Variants in TAFA2 observed in about 807,000 individuals in gnomAD.
The protein encoded by TAFA2 is TAFA chemokine like family member 2, also known as chemokine-like protein TAFA-2.
A neutral mutation model predicts 18.8 loss-of-function variants in TAFA2; 7 were observed. The ratio of observed to expected loss-of-function variants is 0.37; its 90% CI spans 0.21 to 0.70. TAFA2 has a LOEUF of 0.70. TAFA2 is among the 30% of genes least tolerant of loss of function. TAFA2 has a pLI of 0.53. For missense variants in TAFA2, 122 were observed against 158.1 expected (o/e 0.77, Z 1.23); for synonymous variants, 60 against 54.2 (o/e 1.11, Z -0.47).
intron 1 of TAFA2, among the ~76,000 whole-genome samples, chr12:61,873,733 C>G (rs949384140): frequency 6.6e-6 from 1 of 152,130 alleles, no homozygotes; most frequent in African/African-American, 2.4e-5. Flanking sequence ...AGTTTGACTA[C>G]ACTGTTGCTT....
intron 2 of TAFA2, among the ~76,000 whole-genome samples, chr12:61,833,077 AAT>A (rs920370348): frequency 1.4e-5 from 2 of 147,112 alleles, no homozygotes; most frequent in Non-Finnish European, 3.0e-5. Flanking sequence ...TACATATATA[AAT>A]ATATATATAT....
intron 1 of TAFA2, among the ~76,000 whole-genome samples, chr12:61,917,743 G>C (rs1246963266): frequency 6.6e-6 from 1 of 152,162 alleles, no homozygotes; most frequent in Non-Finnish European, 1.5e-5. Context: ...CCTGGGTAAA[G>C]GTCTACCAAA....
intron 4 of TAFA2, among the ~76,000 whole-genome samples, chr12:61,732,397 G>A (rs777354584): frequency 5.9e-5 from 9 of 152,068 alleles, no homozygotes; most frequent in Non-Finnish European, 1.0e-4. Context: ...GTGCTACCAC[G>A]TTATTTACTA....
chr12:62,242,842 T>G (rs2062868741), intron 1 of TAFA2, among the ~76,000 whole-genome samples: 1 of 152,204 alleles, frequency 6.6e-6, no homozygotes, highest in Non-Finnish European at 1.5e-5. Context: ...GAAGTAAAAT[T>G]AACATAGATG....
intron 4 of TAFA2, among the ~76,000 whole-genome samples, chr12:61,746,788 T>C (rs1868730057): frequency 6.6e-6 from 1 of 152,116 alleles, no homozygotes; most frequent in African/African-American, 2.4e-5. Context: ...CTGACCAGAA[T>C]TCAGAATAGA....
chr12:62,152,789 A>G (rs1326710613), intron 1 of TAFA2, among the ~76,000 whole-genome samples: 11 of 152,338 alleles, frequency 7.2e-5, no homozygotes. Context: ...GTGCCAAATC[A>G]TATTACAACA....
chr12:61,888,625 C>T (rs111318031), intron 1 of TAFA2, among the ~76,000 whole-genome samples: 1,655 of 152,060 alleles, frequency 0.011, 30 homozygotes, highest in African/African-American at 0.038. Context: ...TGAGAGGGTG[C>T]GTTTAAAAGA....
In TAFA2 at chr12:62,233,124, G is replaced by A. The variant is rs530213955; in HGVS notation, c.-130+25639C>T. On this transcript the variant is annotated intron_variant, in intron 1 of 5. Coordinates refer to the TAFA2 transcript ENST00000551619. ...GAGATACAGCCTCATTCTGTCACTC[G>A]GGCTGGAGTGCAATTGTGCCATCCT... is the stretch of plus-strand genomic sequence containing the variant. Among the ~76,000 whole-genome samples, 20 of 117,182 alleles carry A rather than the reference G, an allele frequency of 1.7e-4. No homozygotes were observed. In the East Asian group the frequency reaches 3.7e-3, roughly 21 times the overall value. 76.9% of individuals were successfully genotyped at this position (117,182 alleles called of 152,430 possible).
intron 1 of TAFA2, among the ~76,000 whole-genome samples, chr12:61,902,732 A>G (rs1876161631): frequency 6.6e-6 from 1 of 152,130 alleles, no homozygotes. Flanking sequence ...TTGATATCCT[A>G]TCTGTGCCAA....
intron 2 of TAFA2, among the ~76,000 whole-genome samples, chr12:61,857,723 T>C (rs1234237953): frequency 6.6e-6 from 1 of 152,172 alleles, no homozygotes; most frequent in African/African-American, 2.4e-5. Flanking sequence ...CCTTCTCTTC[T>C]TTCATGGGTG....
intron 1 of TAFA2, among the ~76,000 whole-genome samples, chr12:62,249,272 TAAA>T (rs35144994): frequency 2.2e-5 from 3 of 137,718 alleles, no homozygotes; most frequent in Admixed American, 7.3e-5. Flanking sequence ...TTTTTTTTCC[TAAA>T]AAAAAAAAAA....
intron 1 of TAFA2, among the ~76,000 whole-genome samples, chr12:61,945,862 G>A (rs888166177): frequency 1.7e-4 from 26 of 149,744 alleles, no homozygotes; most frequent in African/African-American, 3.7e-4. Flanking sequence ...AATCAATATC[G>A]TGAAAATGGC....
chr12:61,971,569 T>C (rs933209019), intron 1 of TAFA2, among the ~76,000 whole-genome samples: 4 of 151,890 alleles, frequency 2.6e-5, no homozygotes, highest in African/African-American at 4.8e-5. Flanking sequence ...TTCATGTCCT[T>C]TGCAGGGACA....
rs555165873 is a variant in TAFA2 at position 62,022,153 on chromosome 12, G to A, written c.-1-154727C>T. The A allele has an allele frequency of 4.8e-4, 207 of 426,844 alleles. 6 individuals are homozygous for A. Among genetic ancestry groups the A allele is most frequent in the South Asian group, 4.4e-3 (200 of 45,130 alleles). 26.4% of individuals were successfully genotyped at this position (426,844 alleles called of 1,614,324 possible). A position where few individuals can be genotyped will look rare whatever the true frequency, so the allele number is the denominator to read the frequency against. ...TCTGTGTTCTGGTGGCTAAGATAATGATTTCTGTCCTGGTTGGTGTAAAGG... is the reference window on the plus strand; with the variant it reads ...TCTGTGTTCTGGTGGCTAAGATAATAATTTCTGTCCTGGTTGGTGTAAAGG... On this transcript the variant is annotated intron_variant, in intron 1 of 4. Transcript: ENST00000416284.
intron 2 of TAFA2, among the ~76,000 whole-genome samples, chr12:61,843,385 A>G (rs1873270295): frequency 1.3e-5 from 2 of 152,094 alleles, no homozygotes; most frequent in South Asian, 4.1e-4. Flanking sequence ...AATGAGGCTG[A>G]CCAAACAACC....
At chr12:61,753,055 A>C (rs541814054) in intron 4 of TAFA2, among the ~76,000 whole-genome samples, 1 of 152,066 alleles carries the variant, frequency 6.6e-6, no homozygotes, top group South Asian at 2.1e-4. Flanking sequence ...GCTGAAATAC[A>C]TCAGTGTCTT....
chr12:61,751,975 G>A (rs550084809), intron 4 of TAFA2, among the ~76,000 whole-genome samples: 47 of 151,920 alleles, frequency 3.1e-4, no homozygotes, highest in Admixed American at 6.6e-4. Flanking sequence ...AGAACTATAC[G>A]ATATTTTTAC....
chr12:61,773,089 A>G (rs1470218063), intron 2 of TAFA2, among the ~76,000 whole-genome samples: 1 of 151,868 alleles, frequency 6.6e-6, no homozygotes. Flanking sequence ...CAAATCAAGA[A>G]CTCAACTCAT....
chr12:61,898,478 C>T (rs567379561), intron 1 of TAFA2, among the ~76,000 whole-genome samples: 8 of 152,320 alleles, frequency 5.3e-5, no homozygotes, highest in Admixed American at 1.3e-4. Context: ...GAAATCTATG[C>T]GGAGGTTCCC....
Sources: gnomAD v4.1 joint callset for allele counts (sites outside exome capture counted in the v4.1 genomes callset) on GRCh38, gnomAD v4.1.1 for gene constraint, MANE v1.5 for transcripts, NCBI Gene and HGNC (gene_info 2026-07-23, HGNC 2026-07-21) for gene names.